The following METTL8 variants were observed in gnomAD, a reference collection of about 807,000 sequenced individuals.
METTL8 encodes tRNA N(3)-cytidine methyltransferase METTL8, mitochondrial.
A neutral mutation model predicts 48.7 loss-of-function variants in METTL8; 32 were observed. That is an observed-to-expected ratio of 0.66 (90% CI 0.50 to 0.88). The LOEUF (loss-of-function observed/expected upper bound fraction) is 0.88. METTL8 is among the 40% of genes least tolerant of loss of function. The pLI is 0.00. For missense variants in METTL8, 464 were observed against 474.4 expected (o/e 0.98, Z 0.20); for synonymous variants, 136 against 157.1 (o/e 0.87, Z 1.01).
intron 1 of METTL8, among the ~76,000 whole-genome samples, chr2:171,421,177 T>A (rs1691833429): frequency 6.6e-6 from 1 of 152,202 alleles, no homozygotes; most frequent in Admixed American, 6.5e-5. Context: ...TTATTACTAT[T>A]AAATGGAAAG....
intron 4 of METTL8, among the ~76,000 whole-genome samples, chr2:171,338,161 G>A (rs2105415719): frequency 6.6e-6 from 1 of 152,200 alleles, no homozygotes; most frequent in Non-Finnish European, 1.5e-5. Flanking sequence ...CAGAAAATCT[G>A]AAAACAATTA....
At chr2:171,372,153 G>A (rs1054816032) in intron 2 of METTL8, among the ~76,000 whole-genome samples, 2 of 152,150 alleles carry the variant, frequency 1.3e-5, no homozygotes, top group Non-Finnish European at 2.9e-5. Context: ...CACTGGGCCT[G>A]TGAACTGAGG....
intron 1 of METTL8, among the ~76,000 whole-genome samples, chr2:171,402,197 G>A (rs1186836772): frequency 6.6e-6 from 1 of 151,920 alleles, no homozygotes; most frequent in Non-Finnish European, 1.5e-5. Flanking sequence ...TCAGGCAGGA[G>A]GATTAGCACA....
rs150779377 is a variant in METTL8 at position 171,395,444 on chromosome 2, T to C, written c.-12-3247A>G. On this transcript the variant is annotated intron_variant, in intron 1 of 9. Coordinates refer to ENST00000375258, the MANE Select transcript of METTL8 (RefSeq NM_001321154.2). ...GATTAAAAAAAGTAAGACCCAGCAA[T>C]ATACTGTTTATAAGGCAAGCACTTT... Among the ~76,000 whole-genome samples the C allele has an allele frequency of 4.4e-3, 675 of 152,264 alleles. 6 individuals are homozygous for C. Among genetic ancestry groups the C allele is most frequent in the Middle Eastern group, 0.02 (6 of 294 alleles).
chr2:171,364,164 G>A (rs1458822326), intron 2 of METTL8, among the ~76,000 whole-genome samples: 1 of 152,070 alleles, frequency 6.6e-6, no homozygotes, highest in Admixed American at 6.6e-5. Flanking sequence ...TATACACACA[G>A]GGTGAAGATT....
chr2:171,344,757 C>T (rs1363712380), intron 3 of METTL8, among the ~76,000 whole-genome samples: 2 of 152,178 alleles, frequency 1.3e-5, no homozygotes, highest in Non-Finnish European at 2.9e-5. Context: ...TCAATGCTGG[C>T]AACTCCATAG....
At chr2:171,416,444 T>C (rs569778743) in intron 1 of METTL8, among the ~76,000 whole-genome samples, 2 of 152,350 alleles carry the variant, frequency 1.3e-5, no homozygotes, top group African/African-American at 2.4e-5. Context: ...TCCTTTATTA[T>C]GCCAAAGAGA....
intron 1 of METTL8, among the ~76,000 whole-genome samples, chr2:171,402,369 A>C (rs1158441188): frequency 6.6e-6 from 1 of 152,172 alleles, no homozygotes; most frequent in Non-Finnish European, 1.5e-5. Context: ...AAGGGTTAAC[A>C]ATTCTGAAAT....
At chr2:171,350,975 A>C (rs1390793253) in intron 3 of METTL8, among the ~76,000 whole-genome samples, 1 of 152,064 alleles carries the variant, frequency 6.6e-6, no homozygotes, top group African/African-American at 2.4e-5. Context: ...TAATTAGATC[A>C]CATTTGTCAA....
intron 1 of METTL8, 26 bp from the exon 2 acceptor site, chr2:171,392,223 G>A: frequency 2.0e-6 from 3 of 1,534,612 alleles, no homozygotes; most frequent in South Asian, 2.4e-5. Flanking sequence ...TGATTAATTA[G>A]TCAACATAGA....
At chr2:171,434,106 G>C (rs1693542123), upstream of METTL8, 2 of 337,236 alleles carry the variant, frequency 5.9e-6, no homozygotes, top group South Asian at 4.4e-5. Context: ...GCAGCACAGA[G>C]AAGCGCGCCC....
intron 3 of METTL8, among the ~76,000 whole-genome samples, chr2:171,359,326 C>G (rs1684918288): frequency 6.6e-6 from 1 of 152,104 alleles, no homozygotes; most frequent in Non-Finnish European, 1.5e-5. Context: ...CTCACCTCAC[C>G]TAACATAGCG....
intron 2 of METTL8, among the ~76,000 whole-genome samples, chr2:171,377,293 A>G (rs1687070331): frequency 1.3e-5 from 2 of 152,194 alleles, no homozygotes; most frequent in South Asian, 4.1e-4. Context: ...TTAGGCAAAG[A>G]ATTCATGACT....
At chr2:171,434,160 G>A (rs1335449197), upstream of METTL8, 10 of 350,396 alleles carry the variant, frequency 2.9e-5, no homozygotes, top group East Asian at 8.4e-5. Context: ...GCGGGGCCGC[G>A]GCAGGCAGAG....
intron 1 of METTL8, among the ~76,000 whole-genome samples, chr2:171,411,973 G>A (rs1690799061): frequency 1.3e-5 from 2 of 152,176 alleles, no homozygotes; most frequent in African/African-American, 4.8e-5. Context: ...CTATGAATAA[G>A]CATTTACTAA....
chr2:171,343,857 C>A (rs1056109831), intron 3 of METTL8, among the ~76,000 whole-genome samples: 1 of 152,114 alleles, frequency 6.6e-6, no homozygotes, highest in African/African-American at 2.4e-5. Context: ...GATCAGATTG[C>A]CGTTTTAAAC....
At chr2:171,407,318 C>G (rs1047835182) in intron 1 of METTL8, among the ~76,000 whole-genome samples, 1 of 151,210 alleles carries the variant, frequency 6.6e-6, no homozygotes, top group African/African-American at 2.4e-5. Context: ...GGTGACAGGG[C>G]AAGACCCGGA....
In METTL8 at chr2:171,322,408, G is replaced by T. The variant is rs1684568578; in HGVS notation, c.*1764C>A. ...GGATTCTTGGATCTTGTGCAAGAAA[G>T]AATTGAGTCCATACAGCAAAGTGAA... On this transcript the variant is annotated 3_prime_UTR_variant, in exon 10 of 10. Coordinates refer to ENST00000375258, the MANE Select transcript of METTL8 (RefSeq NM_001321154.2). The T allele has an allele frequency of 6.6e-6, 1 of 152,010 alleles. No individual in the cohort carries two copies. The highest frequency in any genetic ancestry group is 1.5e-5 in the Non-Finnish European group (1 of 68,028). The allele number at this position is 152,010 out of a possible 1,614,324, so 9.4% of individuals were successfully genotyped here. A position where few individuals can be genotyped will look rare whatever the true frequency, so the allele number is the denominator to read the frequency against.
intron 1 of METTL8, among the ~76,000 whole-genome samples, chr2:171,421,476 TACACACAC>T (rs35524770): frequency 2.7e-5 from 4 of 150,298 alleles, no homozygotes; most frequent in Admixed American, 6.6e-5. Context: ...CACACATCCA[TACACACAC>T]ACACACACAC....
Sources: allele counts gnomAD v4.1 joint callset (sites outside exome capture counted in the v4.1 genomes callset), GRCh38; gene constraint gnomAD v4.1.1; transcripts MANE v1.5; gene names NCBI Gene and HGNC (gene_info 2026-07-23, HGNC 2026-07-21).